Variants in FOXN2 observed in about 807,000 individuals in gnomAD.
The protein encoded by FOXN2 is forkhead box N2.
Under a neutral mutation model 41.2 loss-of-function variants are expected in FOXN2, and 19 were observed. That is an observed-to-expected ratio of 0.46 (90% CI 0.32 to 0.68). The LOEUF is 0.68. Among genes scored for constraint, FOXN2 ranks in the 30% least tolerant of loss-of-function variants. The pLI, the probability that FOXN2 is intolerant of heterozygous loss-of-function variation, is 0.03. For missense variants in FOXN2, 587 were observed against 509.4 expected, an observed-to-expected ratio of 1.15 and a Z score of -1.47; for synonymous variants, 195 against 176.8, an observed-to-expected ratio of 1.10 and a Z score of -0.82.
chr2:48,343,530 A>T (rs111959035), intron 2 of FOXN2, among the ~76,000 whole-genome samples: 12 of 152,276 alleles, frequency 7.9e-5, no homozygotes, highest in African/African-American at 2.6e-4. Flanking sequence ...AAGCTGAGGC[A>T]GGAGGATTGC....
At chr2:48,334,157 A>C (rs1238272589) in intron 2 of FOXN2, among the ~76,000 whole-genome samples, 1 of 152,196 alleles carries the variant, frequency 6.6e-6, no homozygotes, top group African/African-American at 2.4e-5. Flanking sequence ...CGTTTTGAGA[A>C]TCTCCAACTA....
chr2:48,316,454 AT>A (rs1343158877), intron 1 of FOXN2, among the ~76,000 whole-genome samples: 5 of 152,234 alleles, frequency 3.3e-5, no homozygotes, highest in South Asian at 2.1e-4. Flanking sequence ...AGAAAAATCT[AT>A]TTTTTTCTTT....
upstream of FOXN2, among the ~76,000 whole-genome samples, chr2:48,314,051 G>T (rs1200936009): frequency 6.6e-6 from 1 of 152,186 alleles, no homozygotes; most frequent in East Asian, 1.9e-4. Flanking sequence ...ACAGTGACTT[G>T]TTTCCACAGA....
In FOXN2 at chr2:48,379,021, A is replaced by G. The variant is rs535008036; in HGVS notation, c.*3578A>G. On this transcript the variant is annotated 3_prime_UTR_variant, in exon 7 of 7. Coordinates refer to ENST00000340553, the MANE Select transcript of FOXN2 (RefSeq NM_002158.4). ...AATGAAAGTGTAAGAATGCTTTCTG[A>G]TTCAACAAATTTGTTATCAAACTGT... 1 of 152,694 alleles carries G rather than the reference A, an allele frequency of 6.5e-6. No individual in the cohort carries two copies. The highest frequency in any genetic ancestry group is 2.1e-4 in the South Asian group (1 of 4,826). The allele number at this position is 152,694 out of a possible 1,614,324, so 9.5% of individuals were successfully genotyped here.
intron 5 of FOXN2, among the ~76,000 whole-genome samples, chr2:48,364,429 T>A (rs1034433722): frequency 6.6e-6 from 1 of 152,150 alleles, no homozygotes; most frequent in African/African-American, 2.4e-5. Context: ...CTTTGGGGTT[T>A]TTTTAATGCC....
chr2:48,329,745 T>TA (rs1669911749), intron 2 of FOXN2, among the ~76,000 whole-genome samples: 1 of 152,216 alleles, frequency 6.6e-6, no homozygotes, highest in Non-Finnish European at 1.5e-5. Context: ...TTTATGGGGA[T>TA]AGACATTATT....
intron 2 of FOXN2, chr2:48,340,586 C>CA (rs951448403): frequency 3.3e-4 from 51 of 152,278 alleles, no homozygotes; most frequent in African/African-American, 1.2e-3. Context: ...GGCACACAGT[C>CA]AAGCTCTAGA....
At chr2:48,317,674 C>G (rs927768695) in intron 1 of FOXN2, among the ~76,000 whole-genome samples, 5 of 113,666 alleles carry the variant, frequency 4.4e-5, no homozygotes, top group Non-Finnish European at 8.2e-5. Flanking sequence ...GTGGCGCTAT[C>G]TTGGCTCACT....
At chr2:48,341,208 G>C (rs1280255997) in intron 2 of FOXN2, among the ~76,000 whole-genome samples, 1 of 152,032 alleles carries the variant, frequency 6.6e-6, no homozygotes. Flanking sequence ...TTGGCTTTAT[G>C]AAGCAAACTG....
At chr2:48,355,190 A>G (rs529407991) in intron 3 of FOXN2, among the ~76,000 whole-genome samples, 1 of 152,316 alleles carries the variant, frequency 6.6e-6, no homozygotes, top group African/African-American at 2.4e-5. Flanking sequence ...CTCAAAAGGG[A>G]GTTGGTCACA....
At chr2:48,351,774 G>A (rs910448578) in intron 3 of FOXN2, among the ~76,000 whole-genome samples, 2 of 152,118 alleles carry the variant, frequency 1.3e-5, no homozygotes, top group Admixed American at 1.3e-4. Flanking sequence ...TTTCCTAAGA[G>A]GCCATGGACC....
intron 3 of FOXN2, among the ~76,000 whole-genome samples, chr2:48,355,437 G>A (rs1408479062): frequency 6.6e-6 from 1 of 152,196 alleles, no homozygotes; most frequent in Non-Finnish European, 1.5e-5. Context: ...CCACGAGTCA[G>A]GGTGGGAGGG....
intron 5 of FOXN2, among the ~76,000 whole-genome samples, chr2:48,368,252 T>G (rs1672655260): frequency 1.4e-5 from 2 of 145,444 alleles, no homozygotes; most frequent in South Asian, 4.2e-4. Context: ...ATAATACAGC[T>G]AATAGTGTTA....
intron 5 of FOXN2, among the ~76,000 whole-genome samples, chr2:48,371,603 G>A (rs1672899175): frequency 6.6e-6 from 1 of 152,068 alleles, no homozygotes; most frequent in Admixed American, 6.6e-5. Flanking sequence ...GTCTTTTGTA[G>A]TTCCATACAA....
rs748527522 is a variant in FOXN2 at position 48,346,349 on chromosome 2, T to C, written c.135T>C (p.Thr45=). ...EAVDAARPKA[T]LVDSESADDE... ...TTGATGCTGCCAGGCCGAAGGCCAC[T>C]CTAGTGGACAGTGAGTCAGCAGATG... is the stretch of plus-strand genomic sequence containing the variant. Residue 45 remains threonine (T), a synonymous_variant, in exon 3 of 7, where the codon ACT becomes ACC. Coordinates refer to ENST00000340553, the MANE Select transcript of FOXN2 (RefSeq NM_002158.4). 2.5e-6 allele frequency: 4 copies of C among 1,614,098 alleles called. No homozygotes were observed. The highest frequency in any genetic ancestry group is 3.3e-5 in the Admixed American group (2 of 60,000).
At chr2:48,348,848 G>C (rs994765927) in intron 3 of FOXN2, among the ~76,000 whole-genome samples, 9 of 152,218 alleles carry the variant, frequency 5.9e-5, no homozygotes, top group Non-Finnish European at 1.3e-4. Context: ...TGCCACATTT[G>C]AGGTTGGGAG....
At chr2:48,320,672 G>C (rs889460458) in intron 1 of FOXN2, among the ~76,000 whole-genome samples, 4 of 152,010 alleles carry the variant, frequency 2.6e-5, no homozygotes, top group African/African-American at 9.7e-5. Flanking sequence ...GTAATACTGG[G>C]TATTTACCCA....
chr2:48,324,848 G>A (rs1002313945), intron 1 of FOXN2, among the ~76,000 whole-genome samples: 2 of 152,148 alleles, frequency 1.3e-5, no homozygotes, highest in African/African-American at 2.4e-5. Context: ...AATGCAGTTG[G>A]AACACGGAGA....
At chr2:48,345,361 G>A (rs72820413) in intron 2 of FOXN2, among the ~76,000 whole-genome samples, 1 of 152,072 alleles carries the variant, frequency 6.6e-6, no homozygotes. Context: ...TGTAGGGAAG[G>A]GGGAGATGTT....
Sources: allele counts gnomAD v4.1 joint callset (sites outside exome capture counted in the v4.1 genomes callset), GRCh38; gene constraint gnomAD v4.1.1; transcripts MANE v1.5; gene names NCBI Gene and HGNC (gene_info 2026-07-23, HGNC 2026-07-21).